COA1: variants seen among roughly 807,000 people sequenced by gnomAD.
The protein encoded by COA1 is cytochrome c oxidase assembly factor 1 homolog.
A neutral mutation model predicts 16.0 loss-of-function variants in COA1; 13 were observed. That is an observed-to-expected ratio of 0.81 (90% CI 0.53 to 1.29). COA1 has a LOEUF of 1.29. COA1 is among the 50% of genes most tolerant of loss of function. The pLI, the probability that COA1 is intolerant of heterozygous loss-of-function variation, is 0.00. For synonymous variants in COA1, 65 were observed against 65.7 expected (o/e 0.99, Z 0.05); for missense variants, 179 against 177.0 (o/e 1.01, Z -0.06).
rs951444701 is a variant in COA1 at position 43,639,338 on chromosome 7, T to A, written c.*244A>T. The A allele has an allele frequency of 3.0e-6, 1 of 331,304 alleles. No homozygotes were observed. The allele number at this position is 331,304 out of a possible 1,614,324, so 20.5% of individuals were successfully genotyped here. On this transcript the variant is annotated 3_prime_UTR_variant, in exon 6 of 6. Coordinates refer to ENST00000223336, the MANE Select transcript of COA1 (RefSeq NM_018224.4). Reference sequence around the variant, plus strand: ...CAAAGCACTTTCAAATACATTACATTATCTTAAATTTATAATAGGAGTTTC... The same window carrying A: ...CAAAGCACTTTCAAATACATTACATAATCTTAAATTTATAATAGGAGTTTC...
intron 1 of COA1, among the ~76,000 whole-genome samples, chr7:43,688,222 C>G (rs938979212): frequency 1.3e-5 from 2 of 152,064 alleles, no homozygotes; most frequent in South Asian, 2.1e-4. Flanking sequence ...GCAGAAGGAG[C>G]CTTGATATAT....
chr7:43,658,560 C>CAT (rs908364457), intron 1 of COA1, among the ~76,000 whole-genome samples: 40 of 152,092 alleles, frequency 2.6e-4, no homozygotes, highest in Admixed American at 2.5e-3. Flanking sequence ...GACCAAATAA[C>CAT]ATAGTAAGGG....
At chr7:43,724,838 C>T (rs906935442) in intron 1 of COA1, among the ~76,000 whole-genome samples, 1 of 152,172 alleles carries the variant, frequency 6.6e-6, no homozygotes, top group Non-Finnish European at 1.5e-5. Context: ...TTTATGAGGA[C>T]CCTAGAATAG....
At chr7:43,686,640 C>A (rs752040340) in intron 1 of COA1, among the ~76,000 whole-genome samples, 1 of 152,102 alleles carries the variant, frequency 6.6e-6, no homozygotes, top group African/African-American at 2.4e-5. Flanking sequence ...AGGTGGGGAG[C>A]GGAATGTGAC....
intron 6 of COA1, among the ~76,000 whole-genome samples, chr7:43,614,133 C>T (rs929101549): frequency 5.9e-5 from 9 of 152,162 alleles, no homozygotes; most frequent in Non-Finnish European, 1.3e-4. Context: ...AGCAGGTTAA[C>T]CTCAACTTTA....
At chr7:43,638,490 G>GTTGT (rs1029840547), downstream of COA1, among the ~76,000 whole-genome samples, 9 of 150,902 alleles carry the variant, frequency 6.0e-5, no homozygotes, top group Non-Finnish European at 1.2e-4. Flanking sequence ...ATGCGGTTAA[G>GTTGT]TTGTTTGGAA....
intron 1 of COA1, among the ~76,000 whole-genome samples, chr7:43,663,699 A>ACAC (rs1337524990): frequency 7.4e-6 from 1 of 135,998 alleles, no homozygotes; most frequent in Admixed American, 7.7e-5. Flanking sequence ...CACACACACA[A>ACAC]AAAAAAACCT....
intron 6 of COA1, among the ~76,000 whole-genome samples, chr7:43,611,386 T>C (rs1482597052): frequency 6.6e-6 from 1 of 152,220 alleles, no homozygotes; most frequent in Non-Finnish European, 1.5e-5. Flanking sequence ...ATACCATGGC[T>C]AAAATGGACA....
chr7:43,707,587 T>C (rs892606835), intron 1 of COA1, among the ~76,000 whole-genome samples: 1 of 152,212 alleles, frequency 6.6e-6, no homozygotes, highest in Admixed American at 6.5e-5. Flanking sequence ...TTCTGTACTG[T>C]CTGATTTTAA....
intron 1 of COA1, chr7:43,659,161 C>T (rs2092161189): frequency 6.6e-6 from 1 of 152,160 alleles, no homozygotes; most frequent in East Asian, 1.9e-4. Flanking sequence ...AGAAGTAAAT[C>T]CACTTGAGAT....
intron 1 of COA1, among the ~76,000 whole-genome samples, chr7:43,659,487 T>C (rs547963374): frequency 6.6e-6 from 1 of 152,196 alleles, no homozygotes; most frequent in Admixed American, 6.5e-5. Flanking sequence ...CTTTCTGGCA[T>C]AAAAACTTCA....
At position 43,639,313 on chromosome 7, in the gene COA1, C is replaced by A; in HGVS notation, c.*269G>T. 1 of 259,522 alleles carries A rather than the reference C, an allele frequency of 3.9e-6. No homozygotes were observed. Among genetic ancestry groups the A allele is most frequent in the Non-Finnish European group, 7.4e-6 (1 of 135,952 alleles). The allele number at this position is 259,522 out of a possible 1,614,324, so 16.1% of individuals were successfully genotyped here. A position where few individuals can be genotyped will look rare whatever the true frequency, so the allele number is the denominator to read the frequency against. On this transcript the variant is annotated 3_prime_UTR_variant, in exon 6 of 6. Coordinates refer to ENST00000223336, the MANE Select transcript of COA1 (RefSeq NM_018224.4). ...TCCTTTTATCATGTGCTTTTTTATA[C>A]AAAGCACTTTCAAATACATTACATT... is the stretch of plus-strand genomic sequence containing the variant.
At chr7:43,646,546 G>A (rs1354591970) in intron 3 of COA1, 2 of 456,644 alleles carry the variant, frequency 4.4e-6, no homozygotes, top group Non-Finnish European at 8.8e-6. Context: ...CAGGCAGTCG[G>A]CTGCAGTGCC....
chr7:43,644,747 TAGATAGATAGATAGGC>T (rs1371423822), intron 4 of COA1, among the ~76,000 whole-genome samples: 22 of 113,672 alleles, frequency 1.9e-4, no homozygotes, highest in Admixed American at 1.6e-3. Context: ...GATAGATAGA[TAGATAGATAGATAGGC>T]AGGCAGGCAG....
intron 1 of COA1, among the ~76,000 whole-genome samples, chr7:43,680,648 G>A (rs1040079024): frequency 1.3e-5 from 2 of 152,130 alleles, no homozygotes; most frequent in East Asian, 1.9e-4. Flanking sequence ...ATAAGCCTAC[G>A]CTGTGGAACT....
intron 1 of COA1, among the ~76,000 whole-genome samples, chr7:43,691,165 CCT>C (rs1007031970): frequency 6.7e-6 from 1 of 149,648 alleles, no homozygotes; most frequent in Non-Finnish European, 1.5e-5. Flanking sequence ...AGGATTGCTC[CCT>C]GAGGCCAGGA....
chr7:43,695,744 T>A (rs2094506285), intron 1 of COA1, among the ~76,000 whole-genome samples: 1 of 150,786 alleles, frequency 6.6e-6, no homozygotes, highest in South Asian at 2.1e-4. Context: ...CACAGTTTTA[T>A]ATACCACTGC....
chr7:43,672,636 G>A (rs2093326293), intron 1 of COA1, among the ~76,000 whole-genome samples: 1 of 152,044 alleles, frequency 6.6e-6, no homozygotes, highest in Non-Finnish European at 1.5e-5. Context: ...TGGGCATGGT[G>A]GTGCACACCT....
At chr7:43,707,984 C>T (rs190103693) in intron 1 of COA1, among the ~76,000 whole-genome samples, 1 of 152,258 alleles carries the variant, frequency 6.6e-6, no homozygotes, top group Admixed American at 6.5e-5. Context: ...CATGGTGGCT[C>T]ATGCCTATAA....
Sources: allele counts gnomAD v4.1 joint callset (sites outside exome capture counted in the v4.1 genomes callset), GRCh38; gene constraint gnomAD v4.1.1; transcripts MANE v1.5; gene names NCBI Gene and HGNC (gene_info 2026-07-23, HGNC 2026-07-21).